The following PLAAT5 variants were observed in gnomAD, a reference collection of about 807,000 sequenced individuals.
The protein encoded by PLAAT5 is phospholipase A and acyltransferase 5, also known as Ca(2+)-independent N-acyltransferase.
In PLAAT5, 27 loss-of-function variants were observed where a neutral mutation model predicts 27.8. The ratio of observed to expected loss-of-function variants is 0.97; its 90% CI spans 0.72 to 1.34. The LOEUF (loss-of-function observed/expected upper bound fraction) is 1.34. Ranked by LOEUF, PLAAT5 falls within the 40% of genes most tolerant of loss-of-function variation. The pLI is 0.00. For missense variants in PLAAT5, 368 were observed against 343.8 expected (o/e 1.07, Z -0.56); for synonymous variants, 125 against 136.1 (o/e 0.92, Z 0.57).
intron 3 of PLAAT5, among the ~76,000 whole-genome samples, chr11:63,483,818 T>C (rs3015980): frequency 9.9e-5 from 9 of 90,644 alleles, no homozygotes; most frequent in South Asian, 6.5e-4. Flanking sequence ...TATATATATA[T>C]ATATATATAT....
chr11:63,481,000 G>C (rs1318818956), intron 3 of PLAAT5, among the ~76,000 whole-genome samples: 2 of 152,122 alleles, frequency 1.3e-5, no homozygotes, highest in Non-Finnish European at 1.5e-5. Context: ...ATATCTCTAA[G>C]TGTGTCTTTC....
chr11:63,478,560 G>A (rs766292304), intron 3 of PLAAT5, among the ~76,000 whole-genome samples: 2 of 152,056 alleles, frequency 1.3e-5, no homozygotes, highest in Admixed American at 6.5e-5. Context: ...TGACCTGCCC[G>A]CCTTGGCCTC....
At chr11:63,466,972 T>C (rs558624778) in intron 4 of PLAAT5, among the ~76,000 whole-genome samples, 45 of 152,208 alleles carry the variant, frequency 3.0e-4, no homozygotes, top group South Asian at 4.1e-4. Flanking sequence ...AAAAAAGAAA[T>C]GTTTGAAAGG....
chr11:63,467,677 A>G (rs915856952), intron 4 of PLAAT5, among the ~76,000 whole-genome samples: 2 of 152,138 alleles, frequency 1.3e-5, no homozygotes, highest in African/African-American at 4.8e-5. Context: ...ATCAGGCCTC[A>G]TCTCCTGAGA....
chr11:63,490,873 T>A lies in PLAAT5; in HGVS notation c.148+14A>T. 1.3e-6 allele frequency: 2 copies of A among 1,596,974 alleles called. No individual in the cohort carries two copies. The highest frequency in any genetic ancestry group is 1.7e-6 in the Non-Finnish European group (2 of 1,172,514). On this transcript the variant is annotated intron_variant, in intron 1 of 5. Transcript: ENST00000540857. ...AATTGCGGATTGTCCTTCAGCCGCA[T>A]TCTTGGGGCTGACCTGAGTGGGGCA...
chr11:63,468,310 C>T, intron 4 of PLAAT5, 47 bp downstream of exon 4: 1 of 1,369,200 alleles, frequency 7.3e-7, no homozygotes, highest in Non-Finnish European at 1.0e-6. Flanking sequence ...CTTCTATTTA[C>T]TTTGCTAACT....
rs1195766168 is a variant in PLAAT5, at chr11:63,466,169, C to T, written c.658G>A (p.Glu220Lys). The T allele has an allele frequency of 3.1e-6, 5 of 1,614,186 alleles. No individual in the cohort carries two copies. Among genetic ancestry groups the T allele is most frequent in the Non-Finnish European group, 4.2e-6 (5 of 1,180,030 alleles). ...TTGACAAAGTGCTCACAGTTCCCTT[C>T]AATCAGGCTGTACTGCACGATCTTG... ...VNKIVQYSLI[E>K]GNCEHFVNGL... Residue 220 changes from glutamate to lysine, a missense_variant, in exon 5 of 6, where the codon GAA becomes AAA. Coordinates refer to ENST00000540857, the MANE Select transcript of PLAAT5 (RefSeq NM_001146729.2).
chr11:63,489,265 C>T lies in PLAAT5; in HGVS notation c.240-289G>A, dbSNP rs143972502. On this transcript the variant is annotated intron_variant, in intron 2 of 5. Coordinates refer to ENST00000540857, the MANE Select transcript of PLAAT5 (RefSeq NM_001146729.2). ...TTAATGTTTATCAAAGTGATACTTG[C>T]ACATGGTTTCCAGTACATAAGAATT... Among the ~76,000 whole-genome samples the T allele has an allele frequency of 4.1e-3, 629 of 152,258 alleles. 4 individuals carry two copies. The highest frequency in any genetic ancestry group is 0.014 in the African/African-American group (566 of 41,542).
chr11:63,475,471 C>T (rs941330841), intron 3 of PLAAT5, among the ~76,000 whole-genome samples: 38 of 152,016 alleles, frequency 2.5e-4, no homozygotes, highest in African/African-American at 7.5e-4. Context: ...ACTCCTGCTA[C>T]GGCTACTGTT....
At chr11:63,480,415 T>C (rs867399744) in intron 3 of PLAAT5, among the ~76,000 whole-genome samples, 1 of 152,218 alleles carries the variant, frequency 6.6e-6, no homozygotes, top group Non-Finnish European at 1.5e-5. Context: ...GAGGGAATTT[T>C]GGAATTTTAA....
rs35735923 is a variant in PLAAT5 at position 63,466,216 on chromosome 11, T to C, written c.611A>G (p.Gln204Arg). The part of the protein sequence containing the change: ...YLPLPVDKII[Q>R]RTKKMVNKIV... ...CTTGTTGACCATCTTTTTTGTACGCTGGATGATCTTGTCCACCGGCAAGGG... is the reference window on the plus strand; with the variant it reads ...CTTGTTGACCATCTTTTTTGTACGCCGGATGATCTTGTCCACCGGCAAGGG... Residue 204 changes from glutamine (Q) to arginine (R), a missense_variant, in exon 5 of 6, where the codon CAG becomes CGG. Transcript: ENST00000540857. The C allele has an allele frequency of 3.0e-3, 4,835 of 1,614,102 alleles. 130 individuals carry two copies. In the African/African-American group the frequency reaches 0.055, roughly 18 times the overall value.
chr11:63,468,558 C>A, intron 3 of PLAAT5, 93 bp from the exon 4 acceptor site: 1 of 895,260 alleles, frequency 1.1e-6, no homozygotes, highest in South Asian at 1.6e-5. Flanking sequence ...TAAAGATCCC[C>A]TCAGTGTGGT....
At chr11:63,480,163 C>T (rs1032397340) in intron 3 of PLAAT5, among the ~76,000 whole-genome samples, 1 of 152,202 alleles carries the variant, frequency 6.6e-6, no homozygotes, top group Non-Finnish European at 1.5e-5. Context: ...CCCCACCAAC[C>T]AAATAGCCAG....
At chr11:63,474,745 G>A (rs914107316) in intron 3 of PLAAT5, among the ~76,000 whole-genome samples, 17 of 151,672 alleles carry the variant, frequency 1.1e-4, no homozygotes, top group African/African-American at 4.1e-4. Context: ...TCCTAAGGTA[G>A]GAGCTTAGAT....
At chr11:63,484,465 G>T (rs922341399) in intron 3 of PLAAT5, among the ~76,000 whole-genome samples, 1 of 152,018 alleles carries the variant, frequency 6.6e-6, no homozygotes, top group African/African-American at 2.4e-5. Flanking sequence ...GGGTTTTATA[G>T]CAGGGATGCA....
At chr11:63,487,952 T>C (rs545997537) in intron 3 of PLAAT5, among the ~76,000 whole-genome samples, 1 of 152,194 alleles carries the variant, frequency 6.6e-6, no homozygotes, top group Admixed American at 6.5e-5. Context: ...GAGACCATCC[T>C]GGCTAACACA....
At chr11:63,481,175 C>T (rs1490179760) in intron 3 of PLAAT5, among the ~76,000 whole-genome samples, 1 of 152,216 alleles carries the variant, frequency 6.6e-6, no homozygotes, top group Non-Finnish European at 1.5e-5. Flanking sequence ...TGTGGTGGCT[C>T]ACGCCTATAA....
chr11:63,468,116 C>T (rs138774887), intron 4 of PLAAT5, among the ~76,000 whole-genome samples: 22 of 152,242 alleles, frequency 1.4e-4, no homozygotes, highest in African/African-American at 5.3e-4. Flanking sequence ...AAAGGGCCCT[C>T]TAGGAGGTCA....
rs2015736320 is a variant in PLAAT5, at chr11:63,462,176, A to C, written c.*1327T>G. 6.6e-6 allele frequency: 1 copy of C among 152,242 alleles called. No homozygotes were observed. Among genetic ancestry groups the C allele is most frequent in the Non-Finnish European group, 1.5e-5 (1 of 68,054 alleles). 9.4% of individuals were successfully genotyped at this position (152,242 alleles called of 1,614,324 possible). On this transcript the variant is annotated 3_prime_UTR_variant, in exon 6 of 6. Coordinates refer to ENST00000540857, the MANE Select transcript of PLAAT5 (RefSeq NM_001146729.2). ...CAGCTAAAAGGAATAAATATACTTT[A>C]TAAAATATGAGTTCCTGGTACTCAG...
Sources: gnomAD v4.1 joint callset for allele counts (sites outside exome capture counted in the v4.1 genomes callset) on GRCh38, gnomAD v4.1.1 for gene constraint, MANE v1.5 for transcripts, NCBI Gene and HGNC (gene_info 2026-07-23, HGNC 2026-07-21) for gene names.